The following PCDH15 variants were observed in gnomAD, a reference collection of about 807,000 sequenced individuals.
PCDH15 encodes protocadherin related 15, also known as protocadherin-15.
In PCDH15, 129 loss-of-function variants were observed where a neutral mutation model predicts 178.5. The ratio of observed to expected loss-of-function variants is 0.72; its 90% CI spans 0.63 to 0.84. The LOEUF is 0.84. PCDH15 is among the 40% of genes least tolerant of loss of function. The probability of loss-of-function intolerance (pLI) is 0.00; values close to 1 mark genes in which losing one functional copy is unlikely to be tolerated. For missense variants in PCDH15, 2,230 were observed against 2,099.9 expected, an observed-to-expected ratio of 1.06 and a Z score of -1.21; for synonymous variants, 800 against 732.0, an observed-to-expected ratio of 1.09 and a Z score of -1.50.
At chr10:53,948,725 T>G (rs761638232) in intron 23 of PCDH15, among the ~76,000 whole-genome samples, 2 of 152,176 alleles carry the variant, frequency 1.3e-5, no homozygotes, top group Non-Finnish European at 2.9e-5. Context: ...TATGCATATG[T>G]CATTTGCCTG....
intron 20 of PCDH15, among the ~76,000 whole-genome samples, chr10:54,011,403 C>T (rs1295952909): frequency 1.3e-5 from 2 of 152,130 alleles, no homozygotes; most frequent in Admixed American, 1.3e-4. Flanking sequence ...AAGTGAAAGG[C>T]CATCTGCCAC....
chr10:53,924,156 C>T (rs2084260725), intron 25 of PCDH15, among the ~76,000 whole-genome samples: 1 of 152,188 alleles, frequency 6.6e-6, no homozygotes, highest in Non-Finnish European at 1.5e-5. Flanking sequence ...GGAGCCAGCT[C>T]CCTCTGCTTG....
At chr10:54,467,515 A>T (rs991008496) in intron 3 of PCDH15, among the ~76,000 whole-genome samples, 1 of 144,850 alleles carries the variant, frequency 6.9e-6, no homozygotes, top group Non-Finnish European at 1.5e-5. Flanking sequence ...ATTATGGTGC[A>T]TTATCTTTTG....
chr10:54,894,771 G>C (rs1282802179), intron 3 of PCDH15, among the ~76,000 whole-genome samples: 2 of 152,160 alleles, frequency 1.3e-5, no homozygotes, highest in Non-Finnish European at 2.9e-5. Context: ...ATTAGCCAAA[G>C]CAGGCACCTT....
rs563126189 is a variant in PCDH15, at chr10:54,906,590, C to T, written c.-79-9090G>A. On this transcript the variant is annotated intron_variant, in intron 2 of 5. Coordinates refer to the PCDH15 transcript ENST00000458638. ...TGTAGGCAGAACAATTAGCTCAGTG[C>T]TAGGCTCTTAACTAATTGCCAGGGG... 1.2e-4 allele frequency among the ~76,000 whole-genome samples: 19 copies of T among 152,186 alleles called. No individual in the cohort carries two copies. The South Asian group carries it at 3.3e-3, about 27-fold the overall frequency.
chr10:54,052,115 G>C (rs1478261010), intron 18 of PCDH15, among the ~76,000 whole-genome samples: 1 of 152,196 alleles, frequency 6.6e-6, no homozygotes, highest in Non-Finnish European at 1.5e-5. Context: ...TGCCCTCATG[G>C]AGAACCTCTG....
At chr10:53,956,915 A>G (rs970087536) in intron 23 of PCDH15, among the ~76,000 whole-genome samples, 4 of 152,230 alleles carry the variant, frequency 2.6e-5, no homozygotes, top group Non-Finnish European at 5.9e-5. Context: ...ATGAAATGGT[A>G]AATTATACGT....
At chr10:54,637,418 A>T (rs951914504) in intron 2 of PCDH15, among the ~76,000 whole-genome samples, 4 of 151,984 alleles carry the variant, frequency 2.6e-5, no homozygotes, top group Admixed American at 6.6e-5. Flanking sequence ...CTGTAGGTCA[A>T]AAGGAAAATC....
intron 18 of PCDH15, among the ~76,000 whole-genome samples, chr10:54,054,497 T>C (rs2093842224): frequency 6.6e-6 from 1 of 152,130 alleles, no homozygotes; most frequent in South Asian, 2.1e-4. Context: ...TGGTCATTTG[T>C]GACCATAAAG....
chr10:55,394,084 G>T (rs1182100976), intron 2 of PCDH15, among the ~76,000 whole-genome samples: 1 of 152,042 alleles, frequency 6.6e-6, no homozygotes. Flanking sequence ...TTTGAAGAGA[G>T]AGCATCTTCA....
At chr10:54,295,359 G>C (rs972753432) in intron 8 of PCDH15, among the ~76,000 whole-genome samples, 1 of 152,166 alleles carries the variant, frequency 6.6e-6, no homozygotes, top group Non-Finnish European at 1.5e-5. Context: ...GGATGTGGGC[G>C]GGGCCAAATA....
chr10:54,258,728 G>A (rs1195641799), intron 8 of PCDH15, among the ~76,000 whole-genome samples: 5 of 151,926 alleles, frequency 3.3e-5, no homozygotes, highest in Non-Finnish European at 4.4e-5. Flanking sequence ...TATCCAACGT[G>A]AATAAAGTCT....
chr10:55,234,134 A>G (rs949590446), intron 1 of PCDH15, among the ~76,000 whole-genome samples: 2 of 152,048 alleles, frequency 1.3e-5, no homozygotes, highest in African/African-American at 4.8e-5. Context: ...ACCCACATAT[A>G]CACACATCAA....
At chr10:55,482,604 G>T (rs1280557648) in intron 2 of PCDH15, among the ~76,000 whole-genome samples, 1 of 151,654 alleles carries the variant, frequency 6.6e-6, no homozygotes, top group African/African-American at 2.4e-5. Context: ...ATGAAGTTCT[G>T]GATTGGAATT....
chr10:55,028,674 T>G (rs1032217961), intron 2 of PCDH15, among the ~76,000 whole-genome samples: 2 of 152,022 alleles, frequency 1.3e-5, no homozygotes, highest in African/African-American at 4.8e-5. Flanking sequence ...TAAAAGGAAT[T>G]GACAATTCAT....
At chr10:54,859,685 C>CAAAG (rs1953806647) in intron 3 of PCDH15, among the ~76,000 whole-genome samples, 1 of 148,446 alleles carries the variant, frequency 6.7e-6, no homozygotes, top group African/African-American at 2.5e-5. Flanking sequence ...ATCTGTTTTA[C>CAAAG]AAAGAAAGGT....
At chr10:55,326,403 T>C (rs1055090421) in intron 2 of PCDH15, among the ~76,000 whole-genome samples, 14 of 151,982 alleles carry the variant, frequency 9.2e-5, no homozygotes, top group African/African-American at 3.4e-4. Context: ...TGCACAGACA[T>C]AAAAATCAAT....
intron 26 of PCDH15, among the ~76,000 whole-genome samples, chr10:53,872,440 G>A (rs994675444): frequency 6.6e-6 from 1 of 152,128 alleles, no homozygotes; most frequent in African/African-American, 2.4e-5. Context: ...TGAATTTTCA[G>A]TTCTGCAAAC....
At chr10:53,944,459 A>T (rs761067562) in intron 23 of PCDH15, among the ~76,000 whole-genome samples, 6 of 152,188 alleles carry the variant, frequency 3.9e-5, no homozygotes, top group Non-Finnish European at 7.3e-5. Flanking sequence ...CATTTCTCAG[A>T]AGGTTTTCTA....
Sources: allele counts gnomAD v4.1 joint callset (sites outside exome capture counted in the v4.1 genomes callset), GRCh38; gene constraint gnomAD v4.1.1; transcripts MANE v1.5; gene names NCBI Gene and HGNC (gene_info 2026-07-23, HGNC 2026-07-21).